SCUBE1: variants seen among roughly 807,000 people sequenced by gnomAD.
SCUBE1 encodes the protein signal peptide, CUB and EGF-like domain-containing protein 1.
Under a neutral mutation model 124.4 loss-of-function variants are expected in SCUBE1, and 59 were observed. The observed-to-expected ratio is 0.47, with a 90% CI of 0.38 to 0.59. The LOEUF is 0.59. Ranked by LOEUF, SCUBE1 falls within the 20% of genes least tolerant of loss-of-function variation. The pLI is 0.00. For synonymous variants in SCUBE1, 545 were observed against 550.9 expected (o/e 0.99, Z 0.15); for missense variants, 1,150 against 1,371.2 (o/e 0.84, Z 2.55).
chr22:43,235,398 G>A (rs1922718756), intron 7 of SCUBE1, among the ~76,000 whole-genome samples: 1 of 152,158 alleles, frequency 6.6e-6, no homozygotes, highest in Admixed American at 6.5e-5. Context: ...GAGGGCACAG[G>A]GTCATGGGCT....
chr22:43,227,806 C>T (rs1049451731), intron 9 of SCUBE1, among the ~76,000 whole-genome samples: 17 of 152,166 alleles, frequency 1.1e-4, no homozygotes, highest in African/African-American at 2.9e-4. Flanking sequence ...GGTTTTGTGG[C>T]GCAGGGAATG....
At chr22:43,276,549 G>T (rs1924527864) in intron 4 of SCUBE1, among the ~76,000 whole-genome samples, 1 of 152,188 alleles carries the variant, frequency 6.6e-6, no homozygotes, top group South Asian at 2.1e-4. Flanking sequence ...TGAGGCTAGG[G>T]AGGGCTCACA....
chr22:43,302,383 C>A (rs551334099), intron 3 of SCUBE1, among the ~76,000 whole-genome samples: 2 of 152,166 alleles, frequency 1.3e-5, no homozygotes, highest in African/African-American at 4.8e-5. Flanking sequence ...GAGAGGGAAG[C>A]GGTCTGGAGA....
At chr22:43,284,928 C>T (rs1316047459) in intron 4 of SCUBE1, among the ~76,000 whole-genome samples, 1 of 152,132 alleles carries the variant, frequency 6.6e-6, no homozygotes, top group African/African-American at 2.4e-5. Flanking sequence ...TCGAGACCCA[C>T]GAGGAATGCC....
chr22:43,308,828 A>G (rs867415746), intron 3 of SCUBE1, among the ~76,000 whole-genome samples: 1 of 152,124 alleles, frequency 6.6e-6, no homozygotes. Context: ...CATCTCCTCA[A>G]CTGATCCTAA....
intron 6 of SCUBE1, among the ~76,000 whole-genome samples, chr22:43,245,541 G>C (rs1244980713): frequency 2.6e-5 from 4 of 152,184 alleles, no homozygotes; most frequent in African/African-American, 9.6e-5. Flanking sequence ...GAGAACACGG[G>C]ACAGGACACC....
At chr22:43,327,919 G>A (rs1166908310) in intron 2 of SCUBE1, among the ~76,000 whole-genome samples, 1 of 152,146 alleles carries the variant, frequency 6.6e-6, no homozygotes, top group Non-Finnish European at 1.5e-5. Context: ...GAATTATATC[G>A]CGATAAAGCT....
Position 43,201,728 on chromosome 22 carries a change from G to T in SCUBE1, c.*2269C>A, listed in dbSNP as rs1019145706. The T allele has an allele frequency of 6.6e-6, 1 of 152,182 alleles. No homozygotes were observed. Among genetic ancestry groups the T allele is most frequent in the African/African-American group, 2.4e-5 (1 of 41,414 alleles). The allele number at this position is 152,182 out of a possible 1,614,324, so 9.4% of individuals were successfully genotyped here. ...AGACAGCCGATCGTGGGACTTGTTG[G>T]CCTCCAGAATCTGTGAGCCAGTTCC... On this transcript the variant is annotated 3_prime_UTR_variant, in exon 22 of 22. Transcript: ENST00000360835.
chr22:43,341,816 G>A (rs1470500301), intron 1 of SCUBE1, among the ~76,000 whole-genome samples: 2 of 152,156 alleles, frequency 1.3e-5, no homozygotes, highest in African/African-American at 2.4e-5. Context: ...TGCTGCTGGG[G>A]TTTCACAGTC....
chr22:43,268,269 G>A (rs552472414), intron 4 of SCUBE1, among the ~76,000 whole-genome samples: 10 of 152,364 alleles, frequency 6.6e-5, no homozygotes, highest in Admixed American at 2.6e-4. Flanking sequence ...TTTGTGTCAC[G>A]TCTGCTCTTG....
At chr22:43,228,156 C>G (rs1196868485) in intron 9 of SCUBE1, among the ~76,000 whole-genome samples, 1 of 152,176 alleles carries the variant, frequency 6.6e-6, no homozygotes. Context: ...TTCAAGTGGC[C>G]TGGCATCGTG....
intron 7 of SCUBE1, 114 bp downstream of exon 7, chr22:43,238,724 A>C: frequency 1.2e-6 from 1 of 858,300 alleles, no homozygotes; most frequent in Non-Finnish European, 2.0e-6. Context: ...GTCCTTTCCC[A>C]CAGCTACACG....
At chr22:43,224,951 G>A (rs925584926) in intron 10 of SCUBE1, among the ~76,000 whole-genome samples, 3 of 152,106 alleles carry the variant, frequency 2.0e-5, no homozygotes, top group South Asian at 2.1e-4. Flanking sequence ...CCTAAACAGC[G>A]ACAACTACCA....
rs1921870167 is a variant in SCUBE1, at chr22:43,217,280, T to G, written c.1891+975A>C. 2.0e-5 allele frequency among the ~76,000 whole-genome samples: 3 copies of G among 151,894 alleles called. No homozygotes were observed. In the East Asian group the frequency reaches 5.9e-4, roughly 30 times the overall value. On this transcript the variant is annotated intron_variant, in intron 15 of 21. Transcript: ENST00000360835. ...CATCCAACATCTCCATGTGGATGAC[T>G]TGTGAGCGTCTCAGACTGAACATGT...
intron 3 of SCUBE1, among the ~76,000 whole-genome samples, chr22:43,307,047 C>A (rs1433609165): frequency 6.6e-6 from 1 of 152,262 alleles, no homozygotes; most frequent in Non-Finnish European, 1.5e-5. Context: ...GCCACCCGCC[C>A]ATCCTCCACC....
chr22:43,215,739 G>A (rs1032225146), intron 15 of SCUBE1, among the ~76,000 whole-genome samples: 3 of 152,166 alleles, frequency 2.0e-5, no homozygotes, highest in Non-Finnish European at 2.9e-5. Context: ...GGGGAGAAGC[G>A]GCTCCAGACT....
intron 16 of SCUBE1, 49 bp downstream of exon 16, chr22:43,214,041 G>GCCCCCCACCCCC: frequency 2.1e-6 from 1 of 484,844 alleles, no homozygotes; most frequent in East Asian, 5.0e-5. Context: ...GACAGGAGGA[G>GCCCCCCACCCCC]CCCCCGCCCA....
chr22:43,308,867 G>C (rs1601879420), intron 3 of SCUBE1, among the ~76,000 whole-genome samples: 1 of 152,244 alleles, frequency 6.6e-6, no homozygotes, highest in African/African-American at 2.4e-5. Flanking sequence ...ATTTCACAGA[G>C]ACCAAAACTC....
chr22:43,222,128 C>T (rs1243350029), intron 12 of SCUBE1, among the ~76,000 whole-genome samples: 2 of 152,106 alleles, frequency 1.3e-5, no homozygotes, highest in Non-Finnish European at 2.9e-5. Flanking sequence ...ATCCAGCATC[C>T]TGAATAAGAA....
Sources: allele counts gnomAD v4.1 joint callset (sites outside exome capture counted in the v4.1 genomes callset), GRCh38; gene constraint gnomAD v4.1.1; transcripts MANE v1.5; gene names NCBI Gene and HGNC (gene_info 2026-07-23, HGNC 2026-07-21).